The following PRKN variants were observed in gnomAD, a reference collection of about 807,000 sequenced individuals.
PRKN encodes the protein E3 ubiquitin-protein ligase parkin.
A neutral mutation model predicts 59.5 loss-of-function variants in PRKN; 56 were observed. The observed-to-expected ratio is 0.94, with a 90% CI of 0.76 to 1.18. The LOEUF is 1.18. Among genes scored for constraint, PRKN ranks in the 50% most tolerant of loss-of-function variants. PRKN has a pLI of 0.00. For missense variants in PRKN, 657 were observed against 596.4 expected, an observed-to-expected ratio of 1.10 and a Z score of -1.06; for synonymous variants, 250 against 222.1, an observed-to-expected ratio of 1.13 and a Z score of -1.12.
At chr6:161,590,734 T>G (rs1583268656) in intron 7 of PRKN, among the ~76,000 whole-genome samples, 2 of 119,848 alleles carry the variant, frequency 1.7e-5, no homozygotes, top group Non-Finnish European at 3.5e-5. Context: ...AGACTCTGTC[T>G]CAAAAAAAAA....
chr6:161,899,429 T>C (rs115739884), intron 6 of PRKN, among the ~76,000 whole-genome samples: 191 of 152,306 alleles, frequency 1.3e-3, no homozygotes, highest in African/African-American at 4.3e-3. Context: ...AAAAATAATA[T>C]GTAGGTAATA....
intron 1 of PRKN, among the ~76,000 whole-genome samples, chr6:162,542,402 ATGTC>A (rs986876640): frequency 3.9e-5 from 6 of 152,152 alleles, no homozygotes; most frequent in African/African-American, 1.2e-4. Context: ...ACTCTAACCT[ATGTC>A]TGATTAATCC....
At chr6:162,209,108 T>C (rs545566275) in intron 3 of PRKN, among the ~76,000 whole-genome samples, 1 of 152,162 alleles carries the variant, frequency 6.6e-6, no homozygotes, top group South Asian at 2.1e-4. Context: ...GGGATCTCAT[T>C]ATACTAAAGA....
rs374304160 is a variant in PRKN, at chr6:162,706,747, T to A, written c.7+20915A>T. ...CACACACATGAGCACTCAATAACCA[T>A]CAGGCATTGTTTTTATCTATTTCAT... On this transcript the variant is annotated intron_variant, in intron 1 of 11. Transcript: ENST00000366898. 3.3e-5 allele frequency among the ~76,000 whole-genome samples: 5 copies of A among 152,308 alleles called. No homozygotes were observed. The South Asian group carries it at 1.0e-3, about 32-fold the overall frequency.
intron 6 of PRKN, among the ~76,000 whole-genome samples, chr6:161,897,924 G>T (rs372734519): frequency 1.2e-4 from 14 of 119,102 alleles, no homozygotes; most frequent in Non-Finnish European, 1.1e-4. Flanking sequence ...CTGAGATCGC[G>T]CCACTGCACT....
At chr6:161,716,570 T>C (rs1370670993) in intron 7 of PRKN, among the ~76,000 whole-genome samples, 1 of 152,152 alleles carries the variant, frequency 6.6e-6, no homozygotes, top group Non-Finnish European at 1.5e-5. Context: ...ATTTACTGAG[T>C]ACCTATTGTG....
At chr6:162,390,159 G>A (rs892004413) in intron 2 of PRKN, among the ~76,000 whole-genome samples, 26 of 152,048 alleles carry the variant, frequency 1.7e-4, no homozygotes, top group African/African-American at 5.5e-4. Flanking sequence ...CCTACATAAC[G>A]TGGGAAAGAG....
At chr6:161,553,687 G>T (rs1228277215) in intron 8 of PRKN, among the ~76,000 whole-genome samples, 2 of 152,098 alleles carry the variant, frequency 1.3e-5, no homozygotes, top group Non-Finnish European at 2.9e-5. Context: ...AATAGGAAAG[G>T]CAGGATAAAA....
At chr6:162,726,912 C>A (rs1779236742) in intron 1 of PRKN, among the ~76,000 whole-genome samples, 1 of 152,068 alleles carries the variant, frequency 6.6e-6, no homozygotes, top group African/African-American at 2.4e-5. Context: ...AAGAGAGGAC[C>A]TTTGCTCATC....
At chr6:161,350,331 C>T (rs561588042) in intron 11 of PRKN, 120 bp from the exon 12 acceptor site, 4 of 706,408 alleles carry the variant, frequency 5.7e-6, no homozygotes, top group Non-Finnish European at 1.0e-5. Context: ...ACAAGCAATA[C>T]AAGGGCAGAG....
intron 2 of PRKN, among the ~76,000 whole-genome samples, chr6:162,351,469 T>C (rs1485303043): frequency 1.3e-5 from 2 of 152,170 alleles, no homozygotes; most frequent in Non-Finnish European, 2.9e-5. Context: ...CAACTAGAAT[T>C]CATCTATGTT....
chr6:161,514,464 G>A (rs944684089), intron 9 of PRKN, among the ~76,000 whole-genome samples: 2 of 152,098 alleles, frequency 1.3e-5, no homozygotes, highest in African/African-American at 4.8e-5. Flanking sequence ...AAAGGGTGAA[G>A]AAGGCAAGGT....
intron 5 of PRKN, among the ~76,000 whole-genome samples, chr6:162,051,575 T>C (rs987564976): frequency 6.6e-6 from 1 of 152,112 alleles, no homozygotes; most frequent in African/African-American, 2.4e-5. Flanking sequence ...GCTTCGGTCA[T>C]GATGCAACCC....
chr6:162,431,441 G>A (rs1023461574), intron 2 of PRKN, among the ~76,000 whole-genome samples: 2 of 151,888 alleles, frequency 1.3e-5, no homozygotes, highest in Admixed American at 6.6e-5. Flanking sequence ...ACTATTTATA[G>A]GTCAGGAGGC....
intron 2 of PRKN, among the ~76,000 whole-genome samples, chr6:162,300,035 A>C (rs147481007): frequency 1.6e-3 from 244 of 152,208 alleles, no homozygotes; most frequent in Admixed American, 2.9e-3. Flanking sequence ...ATAATACAGA[A>C]ATTTTCATAC....
intron 4 of PRKN, among the ~76,000 whole-genome samples, chr6:162,168,876 A>G (rs1015133056): frequency 3.3e-5 from 5 of 152,174 alleles, no homozygotes; most frequent in African/African-American, 1.2e-4. Flanking sequence ...GCAAAAGAGT[A>G]TATGTACACC....
At chr6:162,219,985 C>T (rs1777861957) in intron 3 of PRKN, among the ~76,000 whole-genome samples, 1 of 152,166 alleles carries the variant, frequency 6.6e-6, no homozygotes, top group Middle Eastern at 3.4e-3. Context: ...TGTATATCCT[C>T]TCATATATTA....
At chr6:162,719,145 C>T (rs1049553778) in intron 1 of PRKN, among the ~76,000 whole-genome samples, 3 of 152,154 alleles carry the variant, frequency 2.0e-5, no homozygotes, top group Non-Finnish European at 4.4e-5. Context: ...AAATTGACTG[C>T]CCAATAAAAC....
chr6:161,514,428 T>G lies in PRKN; in HGVS notation c.1083+34426A>C, dbSNP rs573638471. 2.2e-4 allele frequency among the ~76,000 whole-genome samples: 34 copies of G among 152,080 alleles called. 1 individual carries two copies. The South Asian group carries it at 6.9e-3, about 31-fold the overall frequency. ...GTTTTTTGGGGGTAAAGTTTTATTT[T>G]GAGGAGTGATAGGGGTTATGGGGAA... On this transcript the variant is annotated intron_variant, in intron 9 of 11. Coordinates refer to ENST00000366898, the MANE Select transcript of PRKN (RefSeq NM_004562.3).
Sources: gnomAD v4.1 joint callset for allele counts (sites outside exome capture counted in the v4.1 genomes callset) on GRCh38, gnomAD v4.1.1 for gene constraint, MANE v1.5 for transcripts, NCBI Gene and HGNC (gene_info 2026-07-23, HGNC 2026-07-21) for gene names.